The following TTC7A variants were observed in gnomAD, a reference collection of about 807,000 sequenced individuals.
TTC7A encodes the protein tetratricopeptide repeat domain 7A.
In TTC7A, 110 loss-of-function variants were observed where a neutral mutation model predicts 103.7. That is an observed-to-expected ratio of 1.06 (90% CI 0.91 to 1.24). The LOEUF (loss-of-function observed/expected upper bound fraction) is 1.24, where lower values mean the gene tolerates loss of function less well. TTC7A is among the 50% of genes most tolerant of loss of function. TTC7A has a pLI of 0.00. For missense variants in TTC7A, 1,340 were observed against 1,116.3 expected (o/e 1.20, Z -2.86); for synonymous variants, 521 against 467.9 (o/e 1.11, Z -1.47).
chr2:46,916,866 C>G (rs899592135), intron 1 of TTC7A, among the ~76,000 whole-genome samples: 15 of 152,158 alleles, frequency 9.9e-5, no homozygotes, highest in African/African-American at 2.7e-4. Flanking sequence ...AACTGCTGAC[C>G]TCTTGATCCT....
intron 3 of TTC7A, among the ~76,000 whole-genome samples, chr2:46,962,303 G>A (rs981202483): frequency 1.4e-4 from 21 of 152,146 alleles, no homozygotes; most frequent in Admixed American, 8.5e-4. Context: ...TCCCTTGGTT[G>A]TTCAGCCTGC....
chr2:46,960,393 C>T (rs1672266805), intron 3 of TTC7A, among the ~76,000 whole-genome samples: 1 of 152,196 alleles, frequency 6.6e-6, no homozygotes, highest in Admixed American at 6.5e-5. Context: ...CTCTGGTATA[C>T]CTGATATTTG....
intron 18 of TTC7A, among the ~76,000 whole-genome samples, chr2:47,060,113 C>T (rs977789394): frequency 1.6e-4 from 24 of 152,004 alleles, no homozygotes; most frequent in African/African-American, 5.1e-4. Flanking sequence ...AGGCCAGGCA[C>T]GGTGGCTCAC....
At chr2:46,967,968 AGCTGTCCTCGT>A (rs1483382131) in intron 3 of TTC7A, among the ~76,000 whole-genome samples, 2 of 151,560 alleles carry the variant, frequency 1.3e-5, no homozygotes, top group Non-Finnish European at 2.9e-5. Flanking sequence ...TGGGTGCTGC[AGCTGTCCTCGT>A]GCCCTTTGAC....
chr2:46,941,126 AGCCCG>A (rs1477364334), upstream of TTC7A: 1 of 146,956 alleles, frequency 6.8e-6, no homozygotes, highest in Non-Finnish European at 1.5e-5. This position sits in a 1 kb window ranked among gnomAD's most constrained non-coding sequence, Gnocchi z 4.2. Context: ...GCAGCCAGCG[AGCCCG>A]GCTCGCCGAG....
chr2:47,050,190 T>A (rs1682739833), intron 17 of TTC7A, 144 bp downstream of exon 17: 5 of 691,244 alleles, frequency 7.2e-6, no homozygotes, highest in African/African-American at 1.8e-5. Flanking sequence ...GGGCAACTTC[T>A]GGGGCTGATC....
Position 46,993,526 on chromosome 2 carries a change from G to A in TTC7A, c.841G>A (p.Val281Met), listed in dbSNP as rs147514908. The stretch of plus-strand genomic sequence containing the variant: ...GACCAAAGCAACTCAGAACTTCAAA[G>A]TGGTAATGTGGGGTGCTGGCAGTGC... ...VETKATQNFK[V>M]MAAKHLAGVL... Residue 281 changes from valine (V) to methionine (M), a missense_variant and splice_region_variant, in exon 6 of 20, where the codon GTG (valine) becomes ATG (methionine). Coordinates refer to ENST00000319190, the MANE Select transcript of TTC7A (RefSeq NM_020458.4). 6.2e-7 allele frequency: 1 copy of A among 1,614,136 alleles called. No individual in the cohort carries two copies. The highest frequency in any genetic ancestry group is 8.5e-7 in the Non-Finnish European group (1 of 1,179,990).
At chr2:47,054,005 G>C (rs1384132339) in intron 18 of TTC7A, 1 of 638,780 alleles carries the variant, frequency 1.6e-6, no homozygotes, top group Non-Finnish European at 1.9e-6. Context: ...CCTGAAGCCA[G>C]TAATTAGACT....
chr2:46,953,285 C>G (rs905407325), intron 2 of TTC7A, among the ~76,000 whole-genome samples: 2 of 152,150 alleles, frequency 1.3e-5, no homozygotes, highest in Non-Finnish European at 2.9e-5. Context: ...TCCTGAGTAG[C>G]TGGGACTATA....
intron 9 of TTC7A, among the ~76,000 whole-genome samples, chr2:47,006,292 T>A (rs1677371108): frequency 6.6e-6 from 1 of 152,196 alleles, no homozygotes; most frequent in Non-Finnish European, 1.5e-5. Context: ...CTGAGAACAG[T>A]GCCATGCACA....
intron 3 of TTC7A, among the ~76,000 whole-genome samples, chr2:46,965,942 T>C (rs1399654171): frequency 6.6e-6 from 1 of 151,820 alleles, no homozygotes; most frequent in African/African-American, 2.4e-5. Context: ...GAAAATATTT[T>C]CTAAGTGCAT....
chr2:46,921,864 G>A (rs545498156), intron 2 of TTC7A, among the ~76,000 whole-genome samples: 179 of 151,802 alleles, frequency 1.2e-3, no homozygotes, highest in African/African-American at 4.2e-3. Context: ...TGCCGCCACC[G>A]CTGATCTGAC....
At chr2:47,005,051 C>G (rs1051222081) in intron 8 of TTC7A, among the ~76,000 whole-genome samples, 1 of 152,202 alleles carries the variant, frequency 6.6e-6, no homozygotes, top group African/African-American at 2.4e-5. Context: ...GCACCTTTCC[C>G]TCTCCTACCG....
At chr2:47,063,547 C>T (rs1338845134) in intron 19 of TTC7A, among the ~76,000 whole-genome samples, 1 of 152,228 alleles carries the variant, frequency 6.6e-6, no homozygotes, top group Non-Finnish European at 1.5e-5. Context: ...GGAAAGATGT[C>T]CATCAGTCAT....
At chr2:47,010,189 T>C (rs1312399260) in intron 10 of TTC7A, among the ~76,000 whole-genome samples, 1 of 152,144 alleles carries the variant, frequency 6.6e-6, no homozygotes, top group African/African-American at 2.4e-5. Flanking sequence ...TCCAGACTCT[T>C]TTCTGTAAAG....
chr2:46,919,055 C>T (rs1046692977), intron 2 of TTC7A, among the ~76,000 whole-genome samples: 7 of 152,178 alleles, frequency 4.6e-5, no homozygotes, highest in Admixed American at 1.3e-4. Context: ...GGTGGCATCT[C>T]TTTCCTCAGC....
chr2:46,996,545 G>A (rs942135556), intron 8 of TTC7A, among the ~76,000 whole-genome samples: 54 of 152,328 alleles, frequency 3.5e-4, no homozygotes, highest in African/African-American at 1.3e-3. Context: ...AGCAGGCGCT[G>A]GCCTGTGGGG....
intron 3 of TTC7A, among the ~76,000 whole-genome samples, chr2:46,972,283 C>T (rs758023961): frequency 2.0e-5 from 3 of 150,510 alleles, no homozygotes; most frequent in Non-Finnish European, 4.4e-5. Context: ...TATATCCCTT[C>T]TGTGTTTCTT....
intron 17 of TTC7A, chr2:47,050,945 CAGAG>C (rs958315585): frequency 6.6e-6 from 1 of 152,142 alleles, no homozygotes; most frequent in Non-Finnish European, 1.5e-5. Flanking sequence ...GCGTCTATGA[CAGAG>C]AGAGAGAAAG....
Sources: gnomAD v4.1 joint callset for allele counts (sites outside exome capture counted in the v4.1 genomes callset) on GRCh38, gnomAD v4.1.1 for gene constraint, Gnocchi (gnomAD v3.1) non-coding constraint, MANE v1.5 for transcripts, NCBI Gene and HGNC (gene_info 2026-07-23, HGNC 2026-07-21) for gene names.